The following SEC23IP variants were observed in gnomAD, a reference collection of about 807,000 sequenced individuals.
SEC23IP encodes SEC23-interacting protein.
In SEC23IP, 70 loss-of-function variants were observed where a neutral mutation model predicts 113.4. The observed-to-expected ratio is 0.62, with a 90% CI of 0.51 to 0.75. The LOEUF (loss-of-function observed/expected upper bound fraction) is 0.75, where lower values mean the gene tolerates loss of function less well. Among genes scored for constraint, SEC23IP ranks in the 30% least tolerant of loss-of-function variants. The pLI is 0.00. For synonymous variants in SEC23IP, 398 were observed against 421.0 expected, an observed-to-expected ratio of 0.95 and a Z score of 0.67; for missense variants, 1,160 against 1,204.9, an observed-to-expected ratio of 0.96 and a Z score of 0.55.
intron 3 of SEC23IP, 73 bp downstream of exon 3, chr10:119,903,082 A>G (rs1467693397): frequency 3.3e-6 from 4 of 1,225,046 alleles, no homozygotes; most frequent in African/African-American, 1.5e-5. Flanking sequence ...TTCATGATCT[A>G]TTTTCTGTGA....
chr10:119,897,813 C>T (rs1854326370), intron 1 of SEC23IP, among the ~76,000 whole-genome samples: 1 of 151,544 alleles, frequency 6.6e-6, no homozygotes, highest in South Asian at 2.1e-4. Flanking sequence ...GCCTGGTCAA[C>T]ATGGTGAAAC....
chr10:119,933,220 T>TG (rs1855663753), intron 17 of SEC23IP, 53 bp downstream of exon 17: 1 of 1,475,782 alleles, frequency 6.8e-7, no homozygotes, highest in Admixed American at 1.8e-5. Context: ...TGCTAGCACG[T>TG]GCAGCAATTT....
At chr10:119,906,978 T>C (rs924159293) in intron 4 of SEC23IP, among the ~76,000 whole-genome samples, 6 of 151,996 alleles carry the variant, frequency 3.9e-5, no homozygotes, top group African/African-American at 1.4e-4. Context: ...TTTTTTTTTT[T>C]TTAAATCGAA....
In SEC23IP at chr10:119,898,914, A is replaced by AC. The variant is rs1212217367; in HGVS notation, c.656dup (p.Val220CysfsTer48). On this transcript the variant is annotated frameshift_variant, in exon 2 of 19. Coordinates refer to ENST00000369075, the MANE Select transcript of SEC23IP (RefSeq NM_007190.4). LOFTEE classifies it high-confidence loss of function. ...CTCCTGCTCATCCTCCACCTTCTGG[A>AC]CCCCCTGTTCAGATGTACCAGATGC... is the stretch of plus-strand genomic sequence containing the variant. 1 of 1,600,906 alleles carries AC rather than the reference A, an allele frequency of 6.2e-7. No individual in the cohort carries two copies. Among genetic ancestry groups the AC allele is most frequent in the Non-Finnish European group, 8.5e-7 (1 of 1,179,114 alleles).
In SEC23IP at chr10:119,919,439, T is replaced by C; in HGVS notation, c.1873-5T>C. 4 of 1,575,884 alleles carry C rather than the reference T, an allele frequency of 2.5e-6. No individual in the cohort carries two copies. The highest frequency in any genetic ancestry group is 3.4e-6 in the Non-Finnish European group (4 of 1,167,038). The stretch of plus-strand genomic sequence containing the variant: ...GTAATGTTTTTCATACTTTTTTTTT[T>C]AAAGATGCCTGAAGAGCCAAAGCTG... On this transcript the variant is annotated splice_polypyrimidine_tract_variant and splice_region_variant and intron_variant, in intron 10 of 18. Coordinates refer to ENST00000369075, the MANE Select transcript of SEC23IP (RefSeq NM_007190.4).
chr10:119,907,363 CA>C (rs1291118545), intron 4 of SEC23IP, among the ~76,000 whole-genome samples: 1 of 151,610 alleles, frequency 6.6e-6, no homozygotes, highest in Non-Finnish European at 1.5e-5. Context: ...GTCCAAGAAA[CA>C]GAAGGAAATA....
rs550374035 is a variant in SEC23IP, at chr10:119,917,071, GT to G, written c.1545-763del. On this transcript the variant is annotated intron_variant, in intron 8 of 18. Transcript: ENST00000369075. ...TTCTGTAGAGATGGGGTCTCACTGTGTTGCTCAAGCTGGTCTTGATCTCCCG... is the reference window on the plus strand; with the variant it reads ...TTCTGTAGAGATGGGGTCTCACTGTGTGCTCAAGCTGGTCTTGATCTCCCG... 1.2e-4 allele frequency among the ~76,000 whole-genome samples: 19 copies of G among 152,242 alleles called. No homozygotes were observed. The South Asian group carries it at 3.9e-3, about 32-fold the overall frequency.
intron 4 of SEC23IP, among the ~76,000 whole-genome samples, chr10:119,908,822 C>G (rs1016222509): frequency 6.6e-6 from 1 of 152,076 alleles, no homozygotes; most frequent in Non-Finnish European, 1.5e-5. Flanking sequence ...ACTTGGTTTT[C>G]TTCATTATAT....
chr10:119,913,799 C>CT (rs1414088278), intron 6 of SEC23IP, among the ~76,000 whole-genome samples: 1 of 151,820 alleles, frequency 6.6e-6, no homozygotes, highest in Non-Finnish European at 1.5e-5. Flanking sequence ...GCCCACAAAA[C>CT]TTTATGTTAT....
At chr10:119,901,209 G>A (rs981919626) in intron 2 of SEC23IP, among the ~76,000 whole-genome samples, 10 of 151,636 alleles carry the variant, frequency 6.6e-5, no homozygotes, top group African/African-American at 1.2e-4. Flanking sequence ...GTATTGCTGT[G>A]TTGCTCATGT....
chr10:119,920,743 A>T, intron 11 of SEC23IP, 146 bp from the exon 12 acceptor site: 1 of 533,232 alleles, frequency 1.9e-6, no homozygotes, highest in Non-Finnish European at 3.3e-6. Flanking sequence ...CTGATGCATG[A>T]TTTAAATACA....
Position 119,902,313 on chromosome 10 carries a change from C to T in SEC23IP, c.697-486C>T, listed in dbSNP as rs151250033. Reference sequence around the variant, plus strand: ...GGAGGCTGTGCATTGCGCCGTTGCACTCCAGGCTGGGCAAGAAGAGCAAAC... The same window carrying T: ...GGAGGCTGTGCATTGCGCCGTTGCATTCCAGGCTGGGCAAGAAGAGCAAAC... On this transcript the variant is annotated intron_variant, in intron 2 of 18. Coordinates refer to ENST00000369075, the MANE Select transcript of SEC23IP (RefSeq NM_007190.4). Among the ~76,000 whole-genome samples, 453 of 152,272 alleles carry T rather than the reference C, an allele frequency of 3.0e-3. 3 individuals are homozygous for T. Among genetic ancestry groups the T allele is most frequent in the African/African-American group, 0.01 (416 of 41,562 alleles).
At chr10:119,914,656 T>C (rs891402458) in intron 6 of SEC23IP, 74 bp from the exon 7 acceptor site, 12 of 1,164,288 alleles carry the variant, frequency 1.0e-5, no homozygotes, top group African/African-American at 1.5e-5. Context: ...GAAAGGGATA[T>C]CTAGAATATT....
chr10:119,900,952 T>G (rs912890412), intron 2 of SEC23IP, among the ~76,000 whole-genome samples: 1 of 151,970 alleles, frequency 6.6e-6, no homozygotes, highest in Non-Finnish European at 1.5e-5. Context: ...CTATTTTTTT[T>G]TTGTGTGAAC....
chr10:119,937,455 A>G (rs966550636), intron 18 of SEC23IP, among the ~76,000 whole-genome samples: 3 of 151,598 alleles, frequency 2.0e-5, no homozygotes, highest in Non-Finnish European at 2.9e-5. Context: ...GAGAAACCCC[A>G]TCTCTATTAA....
rs200026652 is a variant in SEC23IP at position 119,898,553 on chromosome 10, G to A, written c.290G>A (p.Gly97Glu). ...SSSSDPFGNIGQSPLTTAATS... is the reference protein window; with the variant it reads ...SSSSDPFGNIEQSPLTTAATS... ...AGCAGTGATCCTTTTGGGAATATTGGACAGTCACCATTAACAACTGCAGCA... is the reference window on the plus strand; with the variant it reads ...AGCAGTGATCCTTTTGGGAATATTGAACAGTCACCATTAACAACTGCAGCA... Residue 97 changes from glycine to glutamate, a missense_variant, in exon 2 of 19, where the codon GGA becomes GAA. By Grantham distance (98) the Gly-to-Glu change is moderately conservative. Transcript: ENST00000369075. 8.1e-6 allele frequency: 13 copies of A among 1,614,144 alleles called. No individual in the cohort carries two copies. Among genetic ancestry groups the A allele is most frequent in the Admixed American group, 3.3e-5 (2 of 60,008 alleles).
chr10:119,895,371 C>T (rs1854241129), intron 1 of SEC23IP, among the ~76,000 whole-genome samples: 2 of 152,136 alleles, frequency 1.3e-5, no homozygotes, highest in African/African-American at 4.8e-5. Context: ...GAGTGAGACT[C>T]CATCTCAAAA....
chr10:119,920,678 T>A (rs1281143403), intron 11 of SEC23IP, among the ~76,000 whole-genome samples: 1 of 152,272 alleles, frequency 6.6e-6, no homozygotes, highest in African/African-American at 2.4e-5. Flanking sequence ...ATGTGTATTT[T>A]CTGTTAATTA....
At chr10:119,901,419 T>C (rs943965096) in intron 2 of SEC23IP, among the ~76,000 whole-genome samples, 10 of 152,174 alleles carry the variant, frequency 6.6e-5, no homozygotes, top group Non-Finnish European at 1.3e-4. Flanking sequence ...GAGTTAAATA[T>C]TATTTAATCA....
Sources: gnomAD v4.1 joint callset for allele counts (sites outside exome capture counted in the v4.1 genomes callset) on GRCh38, gnomAD v4.1.1 for gene constraint, MANE v1.5 for transcripts, NCBI Gene and HGNC (gene_info 2026-07-23, HGNC 2026-07-21) for gene names.